RABL3: variants seen among roughly 807,000 people sequenced by gnomAD.
The protein encoded by RABL3 is rab-like protein 3.
A neutral mutation model predicts 31.8 loss-of-function variants in RABL3; 31 were observed. That is an observed-to-expected ratio of 0.97 (90% confidence interval 0.73 to 1.31). The LOEUF (loss-of-function observed/expected upper bound fraction) is 1.31. Among genes scored for constraint, RABL3 ranks in the 40% most tolerant of loss-of-function variants. The pLI is 0.00. For missense variants in RABL3, 263 were observed against 279.6 expected (o/e 0.94, Z 0.42); for synonymous variants, 97 against 99.9 (o/e 0.97, Z 0.18).
chr3:120,730,709 G>T lies in RABL3; in HGVS notation c.125C>A (p.Ser42Ter). ...LGNPSWTVGCSVDVRVHDYKE... is the reference protein window; with the variant it reads ...LGNPSWTVGC ...AAAGACACATACTCTGACATCCACT[G>T]AGCAGCCCACAGTCCATGATGGATT... The change falls in exon 2 of 8, where the codon TCA becomes TAA. Residue 42 changes from serine (S) to a stop codon, truncating the protein, a stop_gained. Coordinates refer to ENST00000273375, the MANE Select transcript of RABL3 (RefSeq NM_173825.5). LOFTEE classifies it high-confidence loss of function. 1 of 1,612,620 alleles carries T rather than the reference G, an allele frequency of 6.2e-7. No homozygotes were observed. Among genetic ancestry groups the T allele is most frequent in the South Asian group, 1.1e-5 (1 of 91,016 alleles).
chr3:120,708,882 G>C (rs1708580777), intron 3 of RABL3, among the ~76,000 whole-genome samples: 1 of 151,958 alleles, frequency 6.6e-6, no homozygotes, highest in Non-Finnish European at 1.5e-5. Flanking sequence ...CCAATGAAAA[G>C]AACCTTCTCT....
At chr3:120,713,462 G>A (rs1051381392) in intron 2 of RABL3, among the ~76,000 whole-genome samples, 1 of 152,158 alleles carries the variant, frequency 6.6e-6, no homozygotes, top group East Asian at 1.9e-4. Flanking sequence ...AACAAGTATT[G>A]CTCTTGACAC....
intron 4 of RABL3, among the ~76,000 whole-genome samples, chr3:120,699,452 TGAATTAATTTA>T (rs1010565432): frequency 9.9e-5 from 15 of 152,200 alleles, no homozygotes; most frequent in African/African-American, 3.6e-4. Context: ...CCATTGCTGT[TGAATTAATTTA>T]AATTCTACTC....
chr3:120,742,593 C>T (rs1709061892), upstream of RABL3: 3 of 1,304,392 alleles, frequency 2.3e-6, no homozygotes, highest in Non-Finnish European at 3.3e-6. Context: ...CCTTCAATTT[C>T]ATTGGCCACT....
At chr3:120,690,307 G>T in intron 7 of RABL3, 142 bp downstream of exon 7, 2 of 631,486 alleles carry the variant, frequency 3.2e-6, no homozygotes, top group Non-Finnish European at 5.7e-6. Context: ...TTCTCCTTTT[G>T]TATTTAACAG....
chr3:120,694,042 A>C, intron 6 of RABL3, 111 bp downstream of exon 6: 1 of 637,724 alleles, frequency 1.6e-6, no homozygotes, highest in Non-Finnish European at 2.7e-6. Flanking sequence ...GGATTATTCC[A>C]GGCTGTGAAG....
At chr3:120,740,919 A>C (rs1225471044) in intron 1 of RABL3, among the ~76,000 whole-genome samples, 1 of 152,176 alleles carries the variant, frequency 6.6e-6, no homozygotes, top group African/African-American at 2.4e-5. Context: ...TTCCACATTT[A>C]ATGTAGCTGC....
At position 120,688,242 on chromosome 3, in the gene RABL3, G is replaced by C. The variant is rs186500668; in HGVS notation, c.*1581C>G. ...TGGGTTAGGTCTCTGGGTAGCATTT[G>C]GTTTCTACTTCCCAACTGTACAGCC... On this transcript the variant is annotated 3_prime_UTR_variant, in exon 8 of 8. Coordinates refer to ENST00000273375, the MANE Select transcript of RABL3 (RefSeq NM_173825.5). The C allele has an allele frequency of 4.6e-5, 7 of 152,680 alleles. No individual in the cohort carries two copies. The highest frequency in any genetic ancestry group is 4.6e-4 in the Admixed American group (7 of 15,288). The allele number at this position is 152,680 out of a possible 1,614,324, so 9.5% of individuals were successfully genotyped here.
At chr3:120,715,538 AAATAAT>A (rs375054690) in intron 2 of RABL3, among the ~76,000 whole-genome samples, 24 of 151,938 alleles carry the variant, frequency 1.6e-4, no homozygotes, top group African/African-American at 5.8e-4. Flanking sequence ...CTCTTTTTCA[AAATAAT>A]AATAATAATA....
intron 1 of RABL3, among the ~76,000 whole-genome samples, chr3:120,737,901 G>A (rs780370792): frequency 5.3e-5 from 8 of 152,188 alleles, no homozygotes; most frequent in South Asian, 2.1e-4. Flanking sequence ...TTTTCTCAGC[G>A]GGGTACTGGG....
chr3:120,724,088 T>A (rs1375844573), intron 2 of RABL3, among the ~76,000 whole-genome samples: 3 of 152,174 alleles, frequency 2.0e-5, no homozygotes, highest in Admixed American at 6.5e-5. Flanking sequence ...GCTGATAAGC[T>A]ACTTCAGCAA....
intron 2 of RABL3, chr3:120,722,763 C>T (rs759896225): frequency 2.6e-5 from 4 of 151,950 alleles, no homozygotes; most frequent in Non-Finnish European, 5.9e-5. Context: ...AACAAAGACA[C>T]AACATACCAG....
chr3:120,715,127 T>C (rs1365758285), intron 2 of RABL3, among the ~76,000 whole-genome samples: 1 of 152,222 alleles, frequency 6.6e-6, no homozygotes. Context: ...AGCCACTTAC[T>C]TAAGCCACCC....
At chr3:120,693,615 T>G (rs969206590) in intron 6 of RABL3, among the ~76,000 whole-genome samples, 6 of 150,626 alleles carry the variant, frequency 4.0e-5, no homozygotes, top group African/African-American at 1.2e-4. Flanking sequence ...TGCTGAGTCA[T>G]TCTACATTTT....
At position 120,730,687 on chromosome 3, in the gene RABL3, G is replaced by T; in HGVS notation, c.138+9C>A. 1 of 1,589,224 alleles carries T rather than the reference G, an allele frequency of 6.3e-7. No individual in the cohort carries two copies. Among genetic ancestry groups the T allele is most frequent in the Non-Finnish European group, 8.6e-7 (1 of 1,162,222 alleles). Reference sequence around the variant, plus strand: ...ATTATTGAAAAACTAAAATATAAAAGACACATACTCTGACATCCACTGAGC... The same window carrying T: ...ATTATTGAAAAACTAAAATATAAAATACACATACTCTGACATCCACTGAGC... On this transcript the variant is annotated intron_variant, in intron 2 of 7. Coordinates refer to ENST00000273375, the MANE Select transcript of RABL3 (RefSeq NM_173825.5).
rs3037698 is a variant in RABL3, at chr3:120,696,592, A to AAC, written c.534+1829_534+1830dup. ...TTGGCTTTGTAAGGCAAGTAGGAAT[A>AAC]ACACACACACACACACACACACACA... On this transcript the variant is annotated intron_variant, in intron 5 of 7. Transcript: ENST00000273375. 2.5e-3 allele frequency among the ~76,000 whole-genome samples: 363 copies of AAC among 147,556 alleles called. 2 individuals carry two copies. The highest frequency in any genetic ancestry group is 4.7e-3 in the African/African-American group (187 of 39,724).
At chr3:120,737,726 A>C in intron 1 of RABL3, among the ~76,000 whole-genome samples, 1 of 152,102 alleles carries the variant, frequency 6.6e-6, no homozygotes, top group Non-Finnish European at 1.5e-5. Context: ...TCTGTTTGTC[A>C]GTTTTCCTTC....
chr3:120,719,536 C>G (rs1347350956), intron 2 of RABL3, among the ~76,000 whole-genome samples: 1 of 152,250 alleles, frequency 6.6e-6, no homozygotes, highest in South Asian at 2.1e-4. Flanking sequence ...TAGCAAAAGG[C>G]ACACCAGAAG....
chr3:120,706,524 C>T (rs2107581101), intron 3 of RABL3, among the ~76,000 whole-genome samples: 1 of 151,628 alleles, frequency 6.6e-6, no homozygotes, highest in Middle Eastern at 3.4e-3. Flanking sequence ...CACAGTACTG[C>T]CATAGATACC....
Sources: gnomAD v4.1 joint callset for allele counts (sites outside exome capture counted in the v4.1 genomes callset) on GRCh38, gnomAD v4.1.1 for gene constraint, MANE v1.5 for transcripts, NCBI Gene and HGNC (gene_info 2026-07-23, HGNC 2026-07-21) for gene names.